Variants in TTC13 observed in about 807,000 individuals in gnomAD.
TTC13 encodes tetratricopeptide repeat protein 13.
TTC13 carries 62 observed loss-of-function variants against 120.0 expected under a neutral mutation model. That is an observed-to-expected ratio of 0.52 (90% CI 0.42 to 0.64). The LOEUF is 0.64. Among genes scored for constraint, TTC13 ranks in the 30% least tolerant of loss-of-function variants. TTC13 has a pLI of 0.00. For synonymous variants in TTC13, 384 were observed against 393.5 expected (o/e 0.98, Z 0.28); for missense variants, 824 against 1,050.2 (o/e 0.78, Z 2.98).
intron 3 of TTC13, 82 bp from the exon 4 acceptor site, chr1:230,954,485 C>T: frequency 5.5e-6 from 6 of 1,088,354 alleles, no homozygotes; most frequent in South Asian, 1.5e-5. Context: ...TTTGGTAAAT[C>T]TCCAAAGGCA....
chr1:230,959,740 T>C (rs754624321), intron 2 of TTC13, among the ~76,000 whole-genome samples: 1 of 152,234 alleles, frequency 6.6e-6, no homozygotes, highest in Non-Finnish European at 1.5e-5. Context: ...ACTGCATCTA[T>C]AGTATCTCCT....
chr1:230,914,283 C>A (rs1234385919), intron 18 of TTC13, among the ~76,000 whole-genome samples: 1 of 152,148 alleles, frequency 6.6e-6, no homozygotes, highest in East Asian at 1.9e-4. Context: ...GCAAGACCAA[C>A]CCCTCCGTAT....
intron 1 of TTC13, among the ~76,000 whole-genome samples, chr1:230,962,751 G>A (rs4846887): frequency 5.3e-5 from 8 of 152,094 alleles, no homozygotes; most frequent in African/African-American, 1.4e-4. Context: ...AATACTATTC[G>A]ACCATAAAAA....
At chr1:230,971,539 A>G (rs1336835354) in intron 1 of TTC13, among the ~76,000 whole-genome samples, 1 of 152,176 alleles carries the variant, frequency 6.6e-6, no homozygotes, top group African/African-American at 2.4e-5. Context: ...TCGTAAAGCA[A>G]ATTGAAAATA....
Position 230,912,751 on chromosome 1 carries a change from T to C in TTC13, c.2101A>G (p.Asn701Asp), listed in dbSNP as rs770644770. 50 of 1,607,364 alleles carry C rather than the reference T, an allele frequency of 3.1e-5. No individual in the cohort carries two copies. Among genetic ancestry groups the C allele is most frequent in the Non-Finnish European group, 4.2e-5 (50 of 1,178,250 alleles). The change falls in exon 19 of 23, where the codon AAT (asparagine) becomes GAT (aspartate). Residue 701 changes from asparagine to aspartate, a missense_variant. Coordinates refer to ENST00000366661, the MANE Select transcript of TTC13 (RefSeq NM_024525.5). ...TGAGTTTCCACAGAAAATAATATAT[T>C]GCCAACTCTGAAAATACAAAAATAA... ...TITITGDKVGNILFSVETQTT... is the reference protein window; with the variant it reads ...TITITGDKVGDILFSVETQTT...
At chr1:230,933,556 C>T (rs533452435) in intron 9 of TTC13, among the ~76,000 whole-genome samples, 64 of 152,268 alleles carry the variant, frequency 4.2e-4, no homozygotes, top group African/African-American at 1.4e-3. Context: ...CCAATACACA[C>T]GCTGAAGTTA....
At chr1:230,917,487 G>A (rs773426344) in intron 17 of TTC13, among the ~76,000 whole-genome samples, 29 of 152,214 alleles carry the variant, frequency 1.9e-4, no homozygotes, top group Non-Finnish European at 4.1e-4. Flanking sequence ...TTCAGTGGAA[G>A]TTGACCTGGT....
Position 230,916,305 on chromosome 1 carries a change from T to C in TTC13, c.1984-3A>G. The C allele has an allele frequency of 6.2e-7, 1 of 1,610,844 alleles. No homozygotes were observed. The highest frequency in any genetic ancestry group is 8.5e-7 in the Non-Finnish European group (1 of 1,176,992). On this transcript the variant is annotated splice_polypyrimidine_tract_variant and splice_region_variant and intron_variant, in intron 17 of 22. Transcript: ENST00000366661. ...TCCTTCGTTTTAGTATTAAACTGCT[T>C]TCAGGGAAAAAGAAAATTCACGTTA...
chr1:230,920,353 T>C (rs906502103), intron 17 of TTC13, 157 bp downstream of exon 17: 3 of 493,994 alleles, frequency 6.1e-6, no homozygotes, highest in Non-Finnish European at 1.1e-5. Context: ...TGTTTGAGTC[T>C]GATGCCTGTA....
intron 1 of TTC13, among the ~76,000 whole-genome samples, chr1:230,967,337 GCT>G (rs950547476): frequency 1.3e-5 from 2 of 151,882 alleles, no homozygotes; most frequent in African/African-American, 4.8e-5. Flanking sequence ...GTGGAAAGCT[GCT>G]CTGTGTCAGC....
intron 1 of TTC13, among the ~76,000 whole-genome samples, chr1:230,973,738 ATAATT>A (rs1444253546): frequency 6.6e-6 from 1 of 152,240 alleles, no homozygotes; most frequent in Non-Finnish European, 1.5e-5. Flanking sequence ...GTATAAAGAT[ATAATT>A]TAATACATGA....
At chr1:230,943,240 T>G (rs1271518380) in intron 6 of TTC13, among the ~76,000 whole-genome samples, 1 of 150,714 alleles carries the variant, frequency 6.6e-6, no homozygotes, top group Middle Eastern at 3.2e-3. Flanking sequence ...ATTTTTTGTG[T>G]TTTTTTTTAA....
In TTC13 at chr1:230,944,665, AAAAT is replaced by A. The variant is rs1240876436; in HGVS notation, c.579+720_579+723del. ...ATTGTAATATTTTATAAATTGTAAT[AAAAT>A]AAAAATGTTAAACATTTTTAATATT... On this transcript the variant is annotated intron_variant, in intron 5 of 22. Transcript: ENST00000366661. The surrounding 1 kb of genome is among the most constrained non-coding windows in gnomAD (Gnocchi z 4.0). Among the ~76,000 whole-genome samples, 1 of 152,150 alleles carries A rather than the reference AAAAT, an allele frequency of 6.6e-6. No homozygotes were observed. The highest frequency in any genetic ancestry group is 1.5e-5 in the Non-Finnish European group (1 of 68,026).
chr1:230,926,936 C>A (rs79965530), intron 12 of TTC13, among the ~76,000 whole-genome samples: 20,414 of 152,152 alleles, frequency 0.13, 1,385 homozygotes, highest in Middle Eastern at 0.16. Context: ...TTGTTACATA[C>A]ATGTATATAT....
Position 230,906,901 on chromosome 1 carries a change from A to G in TTC13, c.*4T>C, listed in dbSNP as rs746729690. On this transcript the variant is annotated 3_prime_UTR_variant, in exon 23 of 23. Coordinates refer to ENST00000366661, the MANE Select transcript of TTC13 (RefSeq NM_024525.5). Reference sequence around the variant, plus strand: ...CCTTTACTTGTATAAATACAGCAGCAGAACTAGAGTTTCTTAAGACAACGT... The same window carrying G: ...CCTTTACTTGTATAAATACAGCAGCGGAACTAGAGTTTCTTAAGACAACGT... 1 of 1,427,468 alleles carries G rather than the reference A, an allele frequency of 7.0e-7. No homozygotes were observed. The highest frequency in any genetic ancestry group is 9.3e-7 in the Non-Finnish European group (1 of 1,071,200). The allele number at this position is 1,427,468 out of a possible 1,614,324, so 88.4% of individuals were successfully genotyped here. A position where few individuals can be genotyped will look rare whatever the true frequency, so the allele number is the denominator to read the frequency against.
At chr1:230,975,512 T>C (rs1015169888) in intron 1 of TTC13, among the ~76,000 whole-genome samples, 12 of 152,158 alleles carry the variant, frequency 7.9e-5, no homozygotes, top group African/African-American at 2.9e-4. Context: ...CCTCCGACAG[T>C]TACAAATTAA....
chr1:230,928,008 T>C (rs1052209012), intron 12 of TTC13, among the ~76,000 whole-genome samples: 3 of 152,194 alleles, frequency 2.0e-5, no homozygotes, highest in African/African-American at 7.2e-5. Flanking sequence ...CACTTGTCTA[T>C]CCCTGCAGCA....
intron 18 of TTC13, among the ~76,000 whole-genome samples, chr1:230,913,334 T>G (rs1671694856): frequency 6.6e-6 from 1 of 152,106 alleles, no homozygotes; most frequent in South Asian, 2.1e-4. Flanking sequence ...GCTGCCTTGA[T>G]TGAGGAAGGA....
At chr1:230,918,443 T>A (rs1285527830) in intron 17 of TTC13, among the ~76,000 whole-genome samples, 1 of 152,178 alleles carries the variant, frequency 6.6e-6, no homozygotes, top group Non-Finnish European at 1.5e-5. Flanking sequence ...AATTTCTGCA[T>A]ACTGAGATAC....
Sources: gnomAD v4.1 joint callset for allele counts (sites outside exome capture counted in the v4.1 genomes callset) on GRCh38, gnomAD v4.1.1 for gene constraint, Gnocchi (gnomAD v3.1) non-coding constraint, MANE v1.5 for transcripts, NCBI Gene and HGNC (gene_info 2026-07-23, HGNC 2026-07-21) for gene names.